FER: variants seen among roughly 807,000 people sequenced by gnomAD.
FER encodes FER tyrosine kinase.
In FER, 63 loss-of-function variants were observed where a neutral mutation model predicts 111.0. The ratio of observed to expected loss-of-function variants is 0.57; its 90% CI spans 0.46 to 0.70. The LOEUF (loss-of-function observed/expected upper bound fraction) is 0.70, where lower values mean the gene tolerates loss of function less well. Among genes scored for constraint, FER ranks in the 30% least tolerant of loss-of-function variants. FER has a pLI of 0.00. For missense variants in FER, 914 were observed against 954.0 expected (o/e 0.96, Z 0.55); for synonymous variants, 327 against 313.9 (o/e 1.04, Z -0.44).
At chr5:108,931,440 T>C (rs1754661557) in intron 10 of FER, among the ~76,000 whole-genome samples, 2 of 152,160 alleles carry the variant, frequency 1.3e-5, no homozygotes, top group Non-Finnish European at 1.5e-5. Flanking sequence ...CAAACTTTCC[T>C]GTGTTTATAT....
chr5:108,749,297 C>T (rs530350130), intron 1 of FER, among the ~76,000 whole-genome samples: 2 of 152,260 alleles, frequency 1.3e-5, no homozygotes, highest in African/African-American at 4.8e-5. Flanking sequence ...GCCGCCCCTC[C>T]CACCATCCCG....
chr5:109,100,369 T>C (rs747240185), intron 16 of FER, 27 bp from the exon 17 acceptor site: 1 of 1,606,514 alleles, frequency 6.2e-7, no homozygotes, highest in African/African-American at 1.3e-5. Context: ...TAACTTTGTC[T>C]CATTGTTCAT....
At chr5:108,980,601 G>A (rs59055229) in intron 13 of FER, among the ~76,000 whole-genome samples, 31,183 of 151,990 alleles carry the variant, frequency 0.21, 3,835 homozygotes, top group African/African-American at 0.35. Context: ...AGACTAATCT[G>A]TTTGAAATTG....
intron 3 of FER, among the ~76,000 whole-genome samples, chr5:108,805,538 G>A (rs554233630): frequency 6.6e-6 from 1 of 152,292 alleles, no homozygotes; most frequent in Admixed American, 6.5e-5. Context: ...GGGAAAGTTT[G>A]GAACTTCCTA....
intron 3 of FER, among the ~76,000 whole-genome samples, chr5:108,805,186 T>G (rs113099887): frequency 5.3e-4 from 81 of 151,912 alleles, no homozygotes; most frequent in African/African-American, 1.5e-3. Context: ...AGTGAATGAG[T>G]CTCATGAGAT....
chr5:109,146,246 TCTATCTA>T (rs1561953636), intron 17 of FER, among the ~76,000 whole-genome samples: 10 of 68,012 alleles, frequency 1.5e-4, no homozygotes, highest in African/African-American at 4.8e-4. Flanking sequence ...ATATATATAA[TCTATCTA>T]ATATATATAT....
chr5:108,935,347 C>T (rs1277706809), intron 10 of FER, among the ~76,000 whole-genome samples: 2 of 152,088 alleles, frequency 1.3e-5, no homozygotes, highest in Admixed American at 1.3e-4. Flanking sequence ...TCTAATCTGT[C>T]TCCTTCTTCA....
At chr5:108,951,801 G>A (rs1342980835) in intron 11 of FER, among the ~76,000 whole-genome samples, 1 of 151,684 alleles carries the variant, frequency 6.6e-6, no homozygotes. Context: ...AAACATTTTT[G>A]TTTTTGCCTC....
intron 16 of FER, among the ~76,000 whole-genome samples, chr5:109,092,731 A>G (rs1233481395): frequency 6.6e-6 from 1 of 152,228 alleles, no homozygotes; most frequent in Non-Finnish European, 1.5e-5. Flanking sequence ...TGGAACTACC[A>G]TATAATCTAG....
chr5:108,786,780 A>G (rs933902621), intron 2 of FER, among the ~76,000 whole-genome samples: 2 of 152,186 alleles, frequency 1.3e-5, no homozygotes, highest in Admixed American at 1.3e-4. Context: ...GATTACAGGC[A>G]TGAGCCACCG....
intron 17 of FER, among the ~76,000 whole-genome samples, chr5:109,166,444 T>A (rs1046447087): frequency 6.6e-6 from 1 of 152,172 alleles, no homozygotes; most frequent in African/African-American, 2.4e-5. Context: ...TGAACAGTGA[T>A]CATTTTTCTT....
chr5:108,821,202 G>C (rs915948841), intron 3 of FER, among the ~76,000 whole-genome samples: 3 of 152,136 alleles, frequency 2.0e-5, no homozygotes, highest in African/African-American at 7.2e-5. Flanking sequence ...GACATTGAAG[G>C]TCATACTTAA....
chr5:108,861,531 A>G (rs1047383865), intron 5 of FER, among the ~76,000 whole-genome samples: 1 of 152,208 alleles, frequency 6.6e-6, no homozygotes, highest in Non-Finnish European at 1.5e-5. Context: ...ATTGACATGT[A>G]GAACACTCAT....
intron 8 of FER, among the ~76,000 whole-genome samples, chr5:108,873,721 C>G (rs1250753314): frequency 6.6e-6 from 1 of 152,146 alleles, no homozygotes; most frequent in Admixed American, 6.5e-5. Context: ...ATCTCTAAAC[C>G]AGTAGTCCTT....
intron 1 of FER, among the ~76,000 whole-genome samples, chr5:108,761,544 A>T (rs1472633366): frequency 6.6e-6 from 1 of 152,200 alleles, no homozygotes; most frequent in Non-Finnish European, 1.5e-5. Context: ...ATCACAGATG[A>T]CCATAAAAGA....
intron 5 of FER, among the ~76,000 whole-genome samples, chr5:108,840,885 C>T (rs1165766036): frequency 6.6e-6 from 1 of 152,174 alleles, no homozygotes; most frequent in Non-Finnish European, 1.5e-5. Context: ...CAGAGAGATA[C>T]ATTGGCATGT....
chr5:109,023,430 T>TTCC (rs1768211629), intron 13 of FER, among the ~76,000 whole-genome samples: 1 of 152,132 alleles, frequency 6.6e-6, no homozygotes, highest in Non-Finnish European at 1.5e-5. Context: ...CTTGGATACG[T>TTCC]CCAAGTTGAA....
At chr5:109,014,589 T>C (rs2149812133) in intron 13 of FER, among the ~76,000 whole-genome samples, 1 of 152,270 alleles carries the variant, frequency 6.6e-6, no homozygotes, top group Admixed American at 6.5e-5. Flanking sequence ...CCATATGAAC[T>C]TTGAAGTAGT....
chr5:108,914,827 T>C (rs1436547096), intron 10 of FER, among the ~76,000 whole-genome samples: 2 of 152,204 alleles, frequency 1.3e-5, no homozygotes, highest in Admixed American at 1.3e-4. Flanking sequence ...TCAAAAGTAA[T>C]TTAGGTTAAG....
Sources: allele counts gnomAD v4.1 joint callset (sites outside exome capture counted in the v4.1 genomes callset), GRCh38; gene constraint gnomAD v4.1.1; transcripts MANE v1.5; gene names NCBI Gene and HGNC (gene_info 2026-07-23, HGNC 2026-07-21).